The following BPI variants were observed in gnomAD, a reference collection of about 807,000 sequenced individuals.
BPI encodes bactericidal permeability-increasing protein.
A neutral mutation model predicts 57.6 loss-of-function variants in BPI; 48 were observed. The observed-to-expected ratio is 0.83, with a 90% confidence interval of 0.66 to 1.06. The LOEUF is 1.06. Ranked by LOEUF, BPI falls within the 50% of genes least tolerant of loss-of-function variation. BPI has a pLI of 0.00. For missense variants in BPI, 651 were observed against 609.7 expected (o/e 1.07, Z -0.71); for synonymous variants, 237 against 238.2 (o/e 0.99, Z 0.05).
rs2076603350 is a variant in BPI, at chr20:38,307,656, G to T, written c.220G>T (p.Gly74Trp). Residue 74 changes from glycine (G) to tryptophan (W), a missense_variant, in exon 2 of 15, where the codon GGG (glycine) becomes TGG (tryptophan). Coordinates refer to ENST00000642449, the MANE Select transcript of BPI (RefSeq NM_001725.3). ...AGACAGCTTTAAGATCAAGCATCTT[G>T]GGAAGGGGCATTATAGCTTCTACAG... ...YSDSFKIKHLGKGHYSFYSMD... is the reference protein window; with the variant it reads ...YSDSFKIKHLWKGHYSFYSMD... 4.3e-6 allele frequency: 7 copies of T among 1,611,738 alleles called. No individual in the cohort carries two copies. The highest frequency in any genetic ancestry group is 5.9e-6 in the Non-Finnish European group (7 of 1,179,004).
chr20:38,327,514 C>G, intron 10 of BPI, 74 bp from the exon 11 acceptor site: 2 of 1,544,426 alleles, frequency 1.3e-6, no homozygotes, highest in Non-Finnish European at 1.8e-6. Flanking sequence ...GTGAAGCTGA[C>G]CCTTCTTGGT....
intron 1 of BPI, among the ~76,000 whole-genome samples, chr20:38,305,311 A>G (rs1254376562): frequency 6.6e-6 from 1 of 152,166 alleles, no homozygotes; most frequent in Non-Finnish European, 1.5e-5. Context: ...CTGTCGACAC[A>G]GAGGCTCAGT....
chr20:38,336,951 G>A (rs2076770380), intron 14 of BPI, among the ~76,000 whole-genome samples, 195 bp from the exon 15 acceptor site: 1 of 152,098 alleles, frequency 6.6e-6, no homozygotes, highest in South Asian at 2.1e-4. Context: ...GGAAGCTGCT[G>A]ACAGATTCGC....
At chr20:38,329,337 C>G (rs944814442) in intron 11 of BPI, among the ~76,000 whole-genome samples, 4 of 152,338 alleles carry the variant, frequency 2.6e-5, no homozygotes, top group Non-Finnish European at 5.9e-5. Context: ...GACCCACATC[C>G]CTGCCCAGTC....
rs5743528 is a variant in BPI, at chr20:38,327,707, T to C, written c.1229+52T>C. The C allele has an allele frequency of 0.036, 56,874 of 1,587,762 alleles. 6,127 individuals carry two copies. In the East Asian group the frequency reaches 0.45, roughly 13 times the overall value. ...GGGCTGCCCCTCTGTCCTTGGTGTC[T>C]GTGGGATGACAGTGGTCCTGTGATA... On this transcript the variant is annotated intron_variant, in intron 11 of 14. Transcript: ENST00000642449.
chr20:38,336,740 A>T (rs973672552), intron 14 of BPI, among the ~76,000 whole-genome samples: 5 of 152,040 alleles, frequency 3.3e-5, no homozygotes, highest in Admixed American at 2.0e-4. Flanking sequence ...TTCGTGTTTT[A>T]AAAAAAATGA....
intron 6 of BPI, among the ~76,000 whole-genome samples, chr20:38,318,782 G>A (rs1265745618): frequency 6.6e-6 from 1 of 152,120 alleles, no homozygotes; most frequent in Non-Finnish European, 1.5e-5. Flanking sequence ...TCTGATATTG[G>A]TCACTTCTTT....
rs1421055547 is a variant in BPI, at chr20:38,314,988, G to T, written c.600+3051G>T. On this transcript the variant is annotated intron_variant, in intron 5 of 14. Coordinates refer to ENST00000642449, the MANE Select transcript of BPI (RefSeq NM_001725.3). ...GAGCTCATCCTGGGAAGTTTCAATG[G>T]TGATAGCGAGGTTGATGGTGATGGT... Among the ~76,000 whole-genome samples the T allele has an allele frequency of 2.0e-5, 3 of 151,230 alleles. No homozygotes were observed. In the South Asian group the frequency reaches 6.3e-4, roughly 32 times the overall value.
At chr20:38,330,797 A>C (rs186734273) in intron 11 of BPI, among the ~76,000 whole-genome samples, 43 of 152,338 alleles carry the variant, frequency 2.8e-4, no homozygotes, top group Non-Finnish European at 5.6e-4. Flanking sequence ...TGACTGTAGC[A>C]GAAGAAGTGG....
At chr20:38,314,410 GGAT>G (rs1159312526) in intron 5 of BPI, among the ~76,000 whole-genome samples, 104 of 120,182 alleles carry the variant, frequency 8.7e-4, no homozygotes, top group Non-Finnish European at 1.4e-3. Context: ...GTGATGGTGG[GGAT>G]GATGATGATG....
intron 7 of BPI, among the ~76,000 whole-genome samples, chr20:38,322,674 G>A (rs960267443): frequency 5.3e-5 from 8 of 152,132 alleles, no homozygotes; most frequent in Non-Finnish European, 8.8e-5. Context: ...GCAATGGCGC[G>A]ACCTCCACTC....
chr20:38,336,706 G>A (rs1344849343), intron 14 of BPI, among the ~76,000 whole-genome samples: 1 of 151,986 alleles, frequency 6.6e-6, no homozygotes, highest in African/African-American at 2.4e-5. Flanking sequence ...AACACATACC[G>A]CATATTCCTC....
At position 38,320,144 on chromosome 20, in the gene BPI, C is replaced by T. The variant is rs771530400; in HGVS notation, c.665-39C>T. 33 of 1,527,142 alleles carry T rather than the reference C, an allele frequency of 2.2e-5. No individual in the cohort carries two copies. The East Asian group carries it at 2.7e-4, about 13-fold the overall frequency. The allele number at this position is 1,527,142 out of a possible 1,614,324, so 94.6% of individuals were successfully genotyped here. On this transcript the variant is annotated intron_variant, in intron 6 of 14. Transcript: ENST00000642449. ...GCATTTCAGCTTCCAGCGATGCTGC[C>T]GTGGGAGCCAGCTCATGGTCCATTT...
At position 38,306,415 on chromosome 20, in the gene BPI, G is replaced by T. The variant is rs139181883; in HGVS notation, c.131-1152G>T. Among the ~76,000 whole-genome samples, 108 of 152,350 alleles carry T rather than the reference G, an allele frequency of 7.1e-4. 1 individual carries two copies. The East Asian group carries it at 0.019, about 27-fold the overall frequency. ...GACACACGAGTAAATAAAACAGATT[G>T]CTGCTGACTTCAGGGGGCTTACATG... On this transcript the variant is annotated intron_variant, in intron 1 of 14. Transcript: ENST00000642449.
chr20:38,308,097 C>A (rs2076605423), intron 2 of BPI, among the ~76,000 whole-genome samples: 1 of 152,160 alleles, frequency 6.6e-6, no homozygotes, highest in South Asian at 2.1e-4. Flanking sequence ...CTTCCTTGGA[C>A]AGGCCTAATT....
intron 7 of BPI, among the ~76,000 whole-genome samples, chr20:38,321,418 T>C (rs566072123): frequency 6.6e-6 from 1 of 152,220 alleles, no homozygotes; most frequent in South Asian, 2.1e-4. Flanking sequence ...CCTCAGGGCA[T>C]TTGTCCTAGC....
At chr20:38,325,308 A>G (rs6024876) in intron 9 of BPI, among the ~76,000 whole-genome samples, 57,238 of 152,122 alleles carry the variant, frequency 0.38, 12,700 homozygotes, top group African/African-American at 0.62. Flanking sequence ...TCAGGCTACC[A>G]TAACAAAATG....
chr20:38,326,339 G>T lies in BPI; in HGVS notation c.1068G>T (p.Gln356His), dbSNP rs769846203. The change falls in exon 10 of 15, where the codon CAG (glutamine) becomes CAT (histidine). Residue 356 changes from glutamine (Q) to histidine (H), a missense_variant. Gln to His is a conservative substitution (Grantham distance 24). Transcript: ENST00000642449. ...CCACCCCGCCACACCTGTCTGTGCA[G>T]CCCACCGGCCTTACCTTCTACCCTG... ...SASTPPHLSV[Q>H]PTGLTFYPAV... The T allele has an allele frequency of 1.8e-5, 29 of 1,614,062 alleles. No individual in the cohort carries two copies. The highest frequency in any genetic ancestry group is 2.0e-5 in the Non-Finnish European group (24 of 1,180,032).
intron 1 of BPI, among the ~76,000 whole-genome samples, chr20:38,304,819 A>T (rs954887154): frequency 2.6e-5 from 4 of 152,192 alleles, no homozygotes; most frequent in Non-Finnish European, 5.9e-5. Flanking sequence ...CCACTGGGTG[A>T]CACAAAGAGG....
Sources: gnomAD v4.1 joint callset for allele counts (sites outside exome capture counted in the v4.1 genomes callset) on GRCh38, gnomAD v4.1.1 for gene constraint, MANE v1.5 for transcripts, NCBI Gene and HGNC (gene_info 2026-07-23, HGNC 2026-07-21) for gene names.